ANO2: variants seen among roughly 807,000 people sequenced by gnomAD.
ANO2 encodes anoctamin 2.
ANO2 carries 101 observed loss-of-function variants against 124.2 expected under a neutral mutation model. The ratio of observed to expected loss-of-function variants is 0.81; its 90% confidence interval spans 0.69 to 0.96. The LOEUF is 0.96. Among genes scored for constraint, ANO2 ranks in the 40% least tolerant of loss-of-function variants. ANO2 has a pLI of 0.00. For missense variants in ANO2, 1,293 were observed against 1,274.5 expected (o/e 1.01, Z -0.22); for synonymous variants, 486 against 482.5 (o/e 1.01, Z -0.09).
intron 7 of ANO2, among the ~76,000 whole-genome samples, chr12:5,823,394 A>G (rs1953865518): frequency 6.6e-6 from 1 of 152,238 alleles, no homozygotes; most frequent in African/African-American, 2.4e-5. Context: ...TGGTAAATAC[A>G]GCCATTCCAC....
intron 14 of ANO2, among the ~76,000 whole-genome samples, chr12:5,665,372 T>C (rs1456200976): frequency 1.3e-5 from 2 of 152,310 alleles, no homozygotes; most frequent in African/African-American, 2.4e-5. Flanking sequence ...ACTCCACTGC[T>C]GGGTGGCAGG....
At chr12:5,606,682 A>G (rs1944235677) in intron 19 of ANO2, among the ~76,000 whole-genome samples, 1 of 152,196 alleles carries the variant, frequency 6.6e-6, no homozygotes, top group South Asian at 2.1e-4. Flanking sequence ...AAGAGTGGGA[A>G]GCAATGTTCT....
rs143567045 is a variant in ANO2 at position 5,837,377 on chromosome 12, G to A, written c.634-4774C>T. Among the ~76,000 whole-genome samples the A allele has an allele frequency of 1.3e-3, 157 of 120,780 alleles. 2 individuals are homozygous for A. Among genetic ancestry groups the A allele is most frequent in the African/African-American group, 4.8e-3 (147 of 30,646 alleles). The allele number at this position is 120,780 out of a possible 152,430, so 79.2% of individuals were successfully genotyped here. On this transcript the variant is annotated intron_variant, in intron 4 of 24. Coordinates refer to ENST00000682330, the MANE Select transcript of ANO2 (RefSeq NM_001364791.2). ...AAGTTTTAGGGTACATGTGCACATT[G>A]TGCGTTAGTTACATATGTATACATG... is the stretch of plus-strand genomic sequence containing the variant.
In ANO2 at chr12:5,811,188, T is replaced by C. The variant is rs557900606; in HGVS notation, c.893-3820A>G. 2.6e-5 allele frequency among the ~76,000 whole-genome samples: 4 copies of C among 152,304 alleles called. No individual in the cohort carries two copies. The East Asian group carries it at 7.7e-4, about 29-fold the overall frequency. On this transcript the variant is annotated intron_variant, in intron 7 of 24. Transcript: ENST00000682330. ...ATGGTGCCATACTCCTGAAAATCCA[T>C]TTGGTTTTGATTCTCCCCAGAAAAG...
chr12:5,938,924 A>ATTT (rs1942773643), intron 1 of ANO2, among the ~76,000 whole-genome samples: 3 of 151,134 alleles, frequency 2.0e-5, no homozygotes, highest in South Asian at 2.1e-4. Flanking sequence ...TTTTTTTTTA[A>ATTT]AAATAATTTT....
chr12:5,714,213 C>T (rs1739945235), intron 14 of ANO2, among the ~76,000 whole-genome samples: 1 of 152,214 alleles, frequency 6.6e-6, no homozygotes, highest in African/African-American at 2.4e-5. Context: ...TCATTTTAGC[C>T]AAATTCACAT....
intron 6 of ANO2, among the ~76,000 whole-genome samples, chr12:5,829,701 G>A (rs1485439154): frequency 6.6e-6 from 1 of 152,190 alleles, no homozygotes; most frequent in African/African-American, 2.4e-5. Context: ...CATAGGCTAT[G>A]TGACCTCTAG....
At chr12:5,714,470 C>T (rs1444801222) in intron 14 of ANO2, among the ~76,000 whole-genome samples, 1 of 152,188 alleles carries the variant, frequency 6.6e-6, no homozygotes, top group Non-Finnish European at 1.5e-5. Flanking sequence ...ACCTTTGTTT[C>T]CTGCCTGTGT....
At chr12:5,832,966 T>G (rs1954202695) in intron 4 of ANO2, among the ~76,000 whole-genome samples, 1 of 152,184 alleles carries the variant, frequency 6.6e-6, no homozygotes, top group Non-Finnish European at 1.5e-5. Flanking sequence ...GCTGGGTAGG[T>G]AATACTATTT....
At chr12:5,938,449 C>T (rs903925247) in intron 1 of ANO2, among the ~76,000 whole-genome samples, 4 of 152,186 alleles carry the variant, frequency 2.6e-5, no homozygotes, top group African/African-American at 7.2e-5. Context: ...CCAGTTATTC[C>T]ATTATGGCCT....
At chr12:5,901,493 G>A (rs80229990) in intron 3 of ANO2, among the ~76,000 whole-genome samples, 1,911 of 152,332 alleles carry the variant, frequency 0.013, 47 homozygotes, top group African/African-American at 0.043. Flanking sequence ...GAGATATTAC[G>A]TAAGAGCATG....
intron 3 of ANO2, among the ~76,000 whole-genome samples, chr12:5,893,261 G>C (rs1939532120): frequency 6.6e-6 from 1 of 152,048 alleles, no homozygotes; most frequent in Non-Finnish European, 1.5e-5. Flanking sequence ...AAGTTTAAAA[G>C]CTTCCTCACA....
intron 15 of ANO2, among the ~76,000 whole-genome samples, chr12:5,645,648 T>G (rs1409547783): frequency 2.0e-5 from 3 of 152,228 alleles, no homozygotes; most frequent in Non-Finnish European, 2.9e-5. Flanking sequence ...TGACTGATAT[T>G]TTCAATATCT....
At chr12:5,697,283 T>C (rs1380461464) in intron 14 of ANO2, among the ~76,000 whole-genome samples, 1 of 151,690 alleles carries the variant, frequency 6.6e-6, no homozygotes, top group African/African-American at 2.4e-5. Context: ...ATACGAAAAA[T>C]TAGCCGGGCG....
chr12:5,765,042 G>C (rs1484190945), intron 10 of ANO2, among the ~76,000 whole-genome samples: 1 of 152,142 alleles, frequency 6.6e-6, no homozygotes, highest in East Asian at 1.9e-4. Context: ...AATGCTATCA[G>C]CCAGAGAGGC....
intron 15 of ANO2, among the ~76,000 whole-genome samples, chr12:5,646,091 T>C (rs1946625178): frequency 6.6e-6 from 1 of 152,246 alleles, no homozygotes; most frequent in Admixed American, 6.5e-5. Flanking sequence ...GAGTTCTGAT[T>C]TAATTTGGTG....
At position 5,862,782 on chromosome 12, in the gene ANO2, CTCTTTCTT is replaced by C. The variant is rs149278833; in HGVS notation, c.535-8649_535-8642del. Among the ~76,000 whole-genome samples, 1 of 151,706 alleles carries C rather than the reference CTCTTTCTT, an allele frequency of 6.6e-6. No individual in the cohort carries two copies. The highest frequency in any genetic ancestry group is 2.4e-5 in the African/African-American group (1 of 41,280). ...ATCTGATGGTTTTATAAGGGAAAAC[CTCTTTCTT>C]TCTTTCTTTCTTTTTTTGAGACAAA... On this transcript the variant is annotated intron_variant, in intron 3 of 24. Coordinates refer to ENST00000682330, the MANE Select transcript of ANO2 (RefSeq NM_001364791.2). This position sits in a 1 kb window ranked among gnomAD's most constrained non-coding sequence, Gnocchi z 4.0.
At chr12:5,712,203 A>T (rs1324211286) in intron 14 of ANO2, among the ~76,000 whole-genome samples, 1 of 152,202 alleles carries the variant, frequency 6.6e-6, no homozygotes, top group Non-Finnish European at 1.5e-5. Flanking sequence ...GCTACAGGGT[A>T]GTAAGCAGTT....
At chr12:5,585,107 T>C (rs898885973) in intron 20 of ANO2, among the ~76,000 whole-genome samples, 1 of 151,948 alleles carries the variant, frequency 6.6e-6, no homozygotes, top group Non-Finnish European at 1.5e-5. Flanking sequence ...TAACTGACTG[T>C]CACCAGCAGA....
Sources: allele counts gnomAD v4.1 joint callset (sites outside exome capture counted in the v4.1 genomes callset), GRCh38; gene constraint gnomAD v4.1.1; non-coding constraint Gnocchi (gnomAD v3.1); transcripts MANE v1.5; gene names NCBI Gene and HGNC (gene_info 2026-07-23, HGNC 2026-07-21).